ADCY9: variants seen among roughly 807,000 people sequenced by gnomAD.
ADCY9 encodes adenylate cyclase type 9.
Under a neutral mutation model 101.5 loss-of-function variants are expected in ADCY9, and 50 were observed. The observed-to-expected ratio is 0.49, with a 90% confidence interval of 0.39 to 0.62. ADCY9 has a LOEUF of 0.62. ADCY9 is among the 20% of genes least tolerant of loss of function. The pLI is 0.00. For synonymous variants in ADCY9, 905 were observed against 769.3 expected (o/e 1.18, Z -2.92); for missense variants, 1,662 against 1,800.4 (o/e 0.92, Z 1.39).
intron 7 of ADCY9, among the ~76,000 whole-genome samples, chr16:3,980,921 G>A (rs1347903035): frequency 6.6e-6 from 1 of 152,188 alleles, no homozygotes; most frequent in Non-Finnish European, 1.5e-5. Flanking sequence ...AGAGCAGAGA[G>A]GGTGATGCAG....
At chr16:4,085,264 A>C (rs1190384980) in intron 2 of ADCY9, among the ~76,000 whole-genome samples, 1 of 152,082 alleles carries the variant, frequency 6.6e-6, no homozygotes, top group Non-Finnish European at 1.5e-5. Context: ...TGGGAAGCTG[A>C]GGTGGAAGAA....
At chr16:4,004,251 T>A (rs1321658287) in intron 3 of ADCY9, among the ~76,000 whole-genome samples, 1 of 107,722 alleles carries the variant, frequency 9.3e-6, no homozygotes, top group African/African-American at 3.5e-5. Flanking sequence ...CCCATCTCTT[T>A]AAAAAAAAAA....
At chr16:4,051,632 G>T (rs1183967289) in intron 2 of ADCY9, among the ~76,000 whole-genome samples, 1 of 152,170 alleles carries the variant, frequency 6.6e-6, no homozygotes, top group Admixed American at 6.5e-5. Flanking sequence ...CCAAATCTGG[G>T]ACAATCTGGG....
At chr16:4,062,486 T>G (rs1051792327) in intron 2 of ADCY9, among the ~76,000 whole-genome samples, 1 of 152,220 alleles carries the variant, frequency 6.6e-6, no homozygotes, top group Non-Finnish European at 1.5e-5. Flanking sequence ...ATGTGCTGTC[T>G]GCAAGAGATG....
At chr16:4,087,911 T>G (rs1441801738) in intron 2 of ADCY9, among the ~76,000 whole-genome samples, 3 of 151,278 alleles carry the variant, frequency 2.0e-5, no homozygotes, top group Non-Finnish European at 4.4e-5. Context: ...CTCCCTTTCT[T>G]TCGTTTCTTT....
chr16:4,034,151 C>G (rs924058831), intron 2 of ADCY9, among the ~76,000 whole-genome samples: 2 of 152,042 alleles, frequency 1.3e-5, no homozygotes, highest in Admixed American at 1.3e-4. Context: ...TGCTGTGTCC[C>G]CTCTGCCTTC....
chr16:3,970,885 A>G (rs2056045352), intron 10 of ADCY9, among the ~76,000 whole-genome samples: 1 of 152,056 alleles, frequency 6.6e-6, no homozygotes, highest in Non-Finnish European at 1.5e-5. Flanking sequence ...GATGGACTGG[A>G]GCATGGCTAC....
At chr16:4,022,490 CAAAAAAA>C (rs58498676) in intron 2 of ADCY9, among the ~76,000 whole-genome samples, 1 of 65,054 alleles carries the variant, frequency 1.5e-5, no homozygotes, top group Admixed American at 2.8e-4. Flanking sequence ...GACTCCGTCT[CAAAAAAA>C]AAAAAAAAAA....
At chr16:4,054,940 AG>A (rs1469652055) in intron 2 of ADCY9, among the ~76,000 whole-genome samples, 1 of 152,222 alleles carries the variant, frequency 6.6e-6, no homozygotes, top group African/African-American at 2.4e-5. Flanking sequence ...TCGAGATTTT[AG>A]GGTTTTTGCG....
At chr16:4,023,105 T>C (rs1418166788) in intron 2 of ADCY9, among the ~76,000 whole-genome samples, 1 of 152,202 alleles carries the variant, frequency 6.6e-6, no homozygotes, top group Non-Finnish European at 1.5e-5. Context: ...TGCTGTCATT[T>C]CTCTGGAGGG....
chr16:4,112,397 G>A (rs182189956), intron 2 of ADCY9, among the ~76,000 whole-genome samples: 1 of 152,146 alleles, frequency 6.6e-6, no homozygotes, highest in African/African-American at 2.4e-5. Flanking sequence ...AAAATCAGAA[G>A]AAAGATGATG....
chr16:4,080,203 C>T (rs2532011), intron 2 of ADCY9, among the ~76,000 whole-genome samples: 52,907 of 151,990 alleles, frequency 0.35, 9,728 homozygotes, highest in East Asian at 0.52. Context: ...AAATTACCAC[C>T]TGTACCTAAG....
Position 4,010,210 on chromosome 16 carries a change from A to G in ADCY9, c.1694-2652T>C, listed in dbSNP as rs371949077. Among the ~76,000 whole-genome samples, 26 of 152,306 alleles carry G rather than the reference A, an allele frequency of 1.7e-4. No homozygotes were observed. In the East Asian group the frequency reaches 4.4e-3, roughly 26 times the overall value. ...AACTGGGCTGCCTCTGAAACCCAGG[A>G]AGGGGCCCTCACCCAGGTGACTGCG... is the stretch of plus-strand genomic sequence containing the variant. On this transcript the variant is annotated intron_variant, in intron 2 of 10. Coordinates refer to ENST00000294016, the MANE Select transcript of ADCY9 (RefSeq NM_001116.4).
At chr16:4,073,379 AC>A (rs1394603209) in intron 2 of ADCY9, among the ~76,000 whole-genome samples, 1 of 148,072 alleles carries the variant, frequency 6.8e-6, no homozygotes, top group Non-Finnish European at 1.5e-5. Flanking sequence ...GAGTCACCGC[AC>A]CCAGCCCTCT....
intron 2 of ADCY9, among the ~76,000 whole-genome samples, chr16:4,089,999 G>C (rs1271786586): frequency 6.6e-6 from 1 of 152,046 alleles, no homozygotes; most frequent in East Asian, 1.9e-4. Context: ...GGGACTCCGT[G>C]GGCCCGAGGG....
intron 2 of ADCY9, among the ~76,000 whole-genome samples, chr16:4,060,287 G>A (rs141680207): frequency 1.3e-5 from 2 of 152,216 alleles, no homozygotes; most frequent in Non-Finnish European, 2.9e-5. Flanking sequence ...TAAAGTCCCT[G>A]AAGTCCCACA....
Position 3,977,526 on chromosome 16 carries a change from C to T in ADCY9, c.2784G>A (p.Gly928=). ...WMRSSLATVV[G]AGPLLLLYVS... Reference sequence around the variant, plus strand: ...CGTAGAGCAGGAGCAGCGGCCCGGCCCCCACGACGGTGGCGAGGGAGGACC... The same window carrying T: ...CGTAGAGCAGGAGCAGCGGCCCGGCTCCCACGACGGTGGCGAGGGAGGACC... The change falls in exon 9 of 11, where the codon GGG becomes GGA. Residue 928 remains glycine (G), a synonymous_variant. Coordinates refer to ENST00000294016, the MANE Select transcript of ADCY9 (RefSeq NM_001116.4). The T allele has an allele frequency of 6.3e-7, 1 of 1,594,264 alleles. No homozygotes were observed. Among genetic ancestry groups the T allele is most frequent in the Non-Finnish European group, 8.5e-7 (1 of 1,170,698 alleles).
At chr16:4,108,916 G>C (rs1415649427) in intron 2 of ADCY9, among the ~76,000 whole-genome samples, 1 of 151,518 alleles carries the variant, frequency 6.6e-6, no homozygotes, top group East Asian at 1.9e-4. Flanking sequence ...ACGTTGGCCA[G>C]GCTGGTCTCA....
At chr16:3,987,220 T>A (rs1188218917) in intron 6 of ADCY9, among the ~76,000 whole-genome samples, 3 of 152,216 alleles carry the variant, frequency 2.0e-5, no homozygotes, top group Non-Finnish European at 2.9e-5. Context: ...CTCGCAGACC[T>A]CCAGCTCCGG....
Sources: gnomAD v4.1 joint callset for allele counts (sites outside exome capture counted in the v4.1 genomes callset) on GRCh38, gnomAD v4.1.1 for gene constraint, MANE v1.5 for transcripts, NCBI Gene and HGNC (gene_info 2026-07-23, HGNC 2026-07-21) for gene names.